The following STK38L variants were observed in gnomAD, a reference collection of about 807,000 sequenced individuals.
STK38L encodes serine/threonine-protein kinase 38-like.
A neutral mutation model predicts 59.7 loss-of-function variants in STK38L; 28 were observed. The observed-to-expected ratio is 0.47, with a 90% confidence interval of 0.35 to 0.64. The LOEUF (loss-of-function observed/expected upper bound fraction) is 0.64, where lower values mean the gene tolerates loss of function less well. STK38L is among the 30% of genes least tolerant of loss of function. The pLI, the probability that STK38L is intolerant of heterozygous loss-of-function variation, is 0.01. For missense variants in STK38L, 314 were observed against 555.8 expected (o/e 0.56, Z 4.37); for synonymous variants, 162 against 176.8 (o/e 0.92, Z 0.66).
intron 1 of STK38L, among the ~76,000 whole-genome samples, chr12:27,288,362 C>T (rs1943823929): frequency 6.6e-6 from 1 of 151,974 alleles, no homozygotes; most frequent in African/African-American, 2.4e-5. Context: ...TTTGACGGAC[C>T]CATATTCTTT....
rs1944761926 is a variant in STK38L at position 27,322,755 on chromosome 12, C to G, written c.*300C>G. The G allele has an allele frequency of 4.5e-6, 1 of 221,098 alleles. No individual in the cohort carries two copies. Among genetic ancestry groups the G allele is most frequent in the African/African-American group, 2.3e-5 (1 of 43,446 alleles). 13.7% of individuals were successfully genotyped at this position (221,098 alleles called of 1,614,324 possible). A position where few individuals can be genotyped will look rare whatever the true frequency, so the allele number is the denominator to read the frequency against. ...GCCTACATGCGTATTAAGGTCCATT[C>G]TGCCTGTGTGTGCTGTGGCTTTGAA... On this transcript the variant is annotated 3_prime_UTR_variant, in exon 14 of 14. Transcript: ENST00000389032.
At position 27,322,613 on chromosome 12, in the gene STK38L, T is replaced by C. The variant is rs1178679964; in HGVS notation, c.*158T>C. Reference sequence around the variant, plus strand: ...AGGATTAGGATTTCTAAGACTACTATAGGAATTGGTTGGCAGTGCCAGCTG... The same window carrying C: ...AGGATTAGGATTTCTAAGACTACTACAGGAATTGGTTGGCAGTGCCAGCTG... On this transcript the variant is annotated 3_prime_UTR_variant, in exon 14 of 14. Coordinates refer to ENST00000389032, the MANE Select transcript of STK38L (RefSeq NM_015000.4). 8 of 1,022,148 alleles carry C rather than the reference T, an allele frequency of 7.8e-6. No individual in the cohort carries two copies. In the Admixed American group the frequency reaches 2.3e-4, roughly 29 times the overall value. 63.3% of individuals were successfully genotyped at this position (1,022,148 alleles called of 1,614,324 possible). A position where few individuals can be genotyped will look rare whatever the true frequency, so the allele number is the denominator to read the frequency against.
intron 5 of STK38L, 115 bp downstream of exon 5, chr12:27,309,312 A>AT (rs141813311): frequency 2.2e-5 from 12 of 552,906 alleles, no homozygotes; most frequent in African/African-American, 3.9e-5. Flanking sequence ...TAAGCTATTA[A>AT]TTTTTTGGTA....
Position 27,273,568 on chromosome 12 carries a change from T to C in STK38L, c.-11-24142T>C, listed in dbSNP as rs950962233. The stretch of plus-strand genomic sequence containing the variant: ...AGCATATTACCTACCACATAATTAA[T>C]GTATAGTTAATTATGAATTATTTAT... On this transcript the variant is annotated intron_variant, in intron 1 of 13. Transcript: ENST00000389032. Among the ~76,000 whole-genome samples the C allele has an allele frequency of 3.9e-4, 59 of 152,204 alleles. 1 individual carries two copies. The highest frequency in any genetic ancestry group is 6.5e-4 in the Non-Finnish European group (44 of 68,036).
In STK38L at chr12:27,308,541, C is replaced by T. The variant is rs1944370765; in HGVS notation, c.309+80C>T. On this transcript the variant is annotated intron_variant, in intron 4 of 13. Transcript: ENST00000389032. This position sits in a 1 kb window ranked among gnomAD's most constrained non-coding sequence, Gnocchi z 4.5. The stretch of plus-strand genomic sequence containing the variant: ...TAAAATATGTGTTAAAATATAATTC[C>T]TGGCTGGGTGCGGTGGCTCACGCCT... 1 of 1,325,004 alleles carries T rather than the reference C, an allele frequency of 7.5e-7. No homozygotes were observed. Among genetic ancestry groups the T allele is most frequent in the Non-Finnish European group, 9.8e-7 (1 of 1,019,382 alleles). 82.1% of individuals were successfully genotyped at this position (1,325,004 alleles called of 1,614,324 possible).
In STK38L at chr12:27,322,371, T is replaced by A; in HGVS notation, c.1311T>A (p.Val437=). ...CGGACTACAAATCCAAAGACTGGGT[T>A]TTTCTCAATTATACCTATAAAAGGT... ...TEPDYKSKDW[V]FLNYTYKRFE... Residue 437 remains valine (V), a synonymous_variant, in exon 14 of 14, where the codon GTT becomes GTA. Transcript: ENST00000389032. The A allele has an allele frequency of 6.2e-7, 1 of 1,614,068 alleles. No individual in the cohort carries two copies. The highest frequency in any genetic ancestry group is 8.5e-7 in the Non-Finnish European group (1 of 1,179,960).
chr12:27,272,371 G>T (rs1565530742), intron 1 of STK38L, among the ~76,000 whole-genome samples: 1 of 152,178 alleles, frequency 6.6e-6, no homozygotes, highest in South Asian at 2.1e-4. Context: ...ATTAGCTAGG[G>T]TGTGTATATT....
chr12:27,312,704 G>A, intron 6 of STK38L, 32 bp downstream of exon 6: 1 of 1,606,034 alleles, frequency 6.2e-7, no homozygotes, highest in Non-Finnish European at 8.5e-7. Context: ...ATGACAGACT[G>A]ATACAAGCAC....
chr12:27,307,495 A>T (rs1047943453), intron 3 of STK38L, among the ~76,000 whole-genome samples: 2 of 152,202 alleles, frequency 1.3e-5, no homozygotes, highest in East Asian at 1.9e-4. Context: ...GTCCCTCCAA[A>T]CTGAACCACT....
At chr12:27,262,696 C>A in intron 1 of STK38L, among the ~76,000 whole-genome samples, 1 of 104,186 alleles carries the variant, frequency 9.6e-6, no homozygotes. Flanking sequence ...TGGAGTGGGA[C>A]TCTATCTCTA....
intron 2 of STK38L, among the ~76,000 whole-genome samples, chr12:27,299,228 T>C (rs1944104284): frequency 6.6e-6 from 1 of 152,220 alleles, no homozygotes; most frequent in African/African-American, 2.4e-5. Context: ...TCATTTAATT[T>C]TGGACGGATT....
At chr12:27,300,750 G>A in intron 2 of STK38L, 1 of 382,730 alleles carries the variant, frequency 2.6e-6, no homozygotes, top group Non-Finnish European at 5.2e-6. Flanking sequence ...GGAAACATGT[G>A]TTGGAGAATA....
chr12:27,269,263 G>T (rs373747068), intron 1 of STK38L, among the ~76,000 whole-genome samples: 5 of 152,130 alleles, frequency 3.3e-5, no homozygotes, highest in Non-Finnish European at 7.3e-5. Context: ...GGTCTAACAT[G>T]TAAGTCTTTA....
chr12:27,314,654 C>A lies in STK38L; in HGVS notation c.668C>A (p.Ala223Asp), dbSNP rs1282998442. 1.3e-6 allele frequency: 2 copies of A among 1,595,926 alleles called. No homozygotes were observed. ...AAGCCAGACAACCTTTTATTGGATGCCAAGGCATGTGAATAAACTGGTGAA... is the reference window on the plus strand; with the variant it reads ...AAGCCAGACAACCTTTTATTGGATGACAAGGCATGTGAATAAACTGGTGAA... ...DIKPDNLLLD[A>D]KGHVKLSDFG... is the part of the protein sequence containing the mutation. The change falls in exon 7 of 14, where the codon GCC (alanine) becomes GAC (aspartate). Residue 223 changes from alanine to aspartate, a missense_variant. Transcript: ENST00000389032.
chr12:27,257,896 G>C (rs1456106086), intron 1 of STK38L, among the ~76,000 whole-genome samples: 1 of 146,104 alleles, frequency 6.8e-6, no homozygotes, highest in Non-Finnish European at 1.5e-5. Context: ...GAGTCTTGCT[G>C]TGTTGTCCAG....
chr12:27,308,927 T>A lies in STK38L; in HGVS notation c.310-187T>A, dbSNP rs1308959192. ...ATATATAAATATATATTAATATATA[T>A]AAAATATATATAAATATATATATAA... On this transcript the variant is annotated intron_variant, in intron 4 of 13. Coordinates refer to ENST00000389032, the MANE Select transcript of STK38L (RefSeq NM_015000.4). The surrounding 1 kb of genome is among the most constrained non-coding windows in gnomAD (Gnocchi z 4.5). 6.9e-6 allele frequency among the ~76,000 whole-genome samples: 1 copy of A among 145,726 alleles called. No homozygotes were observed. Among genetic ancestry groups the A allele is most frequent in the Non-Finnish European group, 1.5e-5 (1 of 66,380 alleles).
chr12:27,319,127 T>G (rs1311711292), intron 11 of STK38L, among the ~76,000 whole-genome samples: 1 of 152,236 alleles, frequency 6.6e-6, no homozygotes, highest in Non-Finnish European at 1.5e-5. Flanking sequence ...TGTAAAAGAT[T>G]AGCATATTTA....
chr12:27,258,619 G>A (rs1472095701), intron 1 of STK38L, among the ~76,000 whole-genome samples: 3 of 152,216 alleles, frequency 2.0e-5, no homozygotes, highest in African/African-American at 7.2e-5. Context: ...GTGAGCCCCC[G>A]TGCCTGGCCT....
chr12:27,313,190 G>A (rs1186795692), intron 6 of STK38L, among the ~76,000 whole-genome samples: 1 of 149,194 alleles, frequency 6.7e-6, no homozygotes. Flanking sequence ...GGAGCTTGCA[G>A]TGAGCCGAGA....
Sources: allele counts gnomAD v4.1 joint callset (sites outside exome capture counted in the v4.1 genomes callset), GRCh38; gene constraint gnomAD v4.1.1; non-coding constraint Gnocchi (gnomAD v3.1); transcripts MANE v1.5; gene names NCBI Gene and HGNC (gene_info 2026-07-23, HGNC 2026-07-21).